The following CARMIL1 variants were observed in gnomAD, a reference collection of about 807,000 sequenced individuals.
CARMIL1 encodes capping protein regulator and myosin 1 linker 1.
Under a neutral mutation model 177.1 loss-of-function variants are expected in CARMIL1, and 90 were observed. The ratio of observed to expected loss-of-function variants is 0.51; its 90% CI spans 0.43 to 0.61. The LOEUF (loss-of-function observed/expected upper bound fraction) is 0.61, where lower values mean the gene tolerates loss of function less well. CARMIL1 is among the 20% of genes least tolerant of loss of function. The pLI, the probability that CARMIL1 is intolerant of heterozygous loss-of-function variation, is 0.00. For synonymous variants in CARMIL1, 577 were observed against 606.2 expected (o/e 0.95, Z 0.71); for missense variants, 1,380 against 1,667.0 (o/e 0.83, Z 3.00).
chr6:25,576,216 T>C (rs1812571233), intron 29 of CARMIL1, among the ~76,000 whole-genome samples: 1 of 152,102 alleles, frequency 6.6e-6, no homozygotes, highest in Non-Finnish European at 1.5e-5. Flanking sequence ...TTTTAAGAAT[T>C]ATTTAGAGAT....
intron 2 of CARMIL1, among the ~76,000 whole-genome samples, chr6:25,348,835 T>C (rs1787820296): frequency 6.6e-6 from 1 of 152,042 alleles, no homozygotes; most frequent in Non-Finnish European, 1.5e-5. Context: ...ATCCAATTTT[T>C]GGTGAATCAG....
chr6:25,537,857 G>A lies in CARMIL1; in HGVS notation c.2070G>A (p.Met690Ile), dbSNP rs1319203609. 6 of 1,610,738 alleles carry A rather than the reference G, an allele frequency of 3.7e-6. No individual in the cohort carries two copies. The highest frequency in any genetic ancestry group is 5.1e-6 in the Non-Finnish European group (6 of 1,178,816). ...QGIVTSTTQQMIDRICVKVQD... is the reference protein window; with the variant it reads ...QGIVTSTTQQIIDRICVKVQD... Reference sequence around the variant, plus strand: ...TGCCTTTTTCTGGTTTGGAGCAGATGATTGACAGAATATGTGTGAAAGTAC... The same window carrying A: ...TGCCTTTTTCTGGTTTGGAGCAGATAATTGACAGAATATGTGTGAAAGTAC... Residue 690 changes from methionine to isoleucine, a missense_variant and splice_region_variant, in exon 25 of 37, where the codon ATG (methionine) becomes ATA (isoleucine). By Grantham distance (10) the Met-to-Ile change is conservative. Coordinates refer to ENST00000329474, the MANE Select transcript of CARMIL1 (RefSeq NM_017640.6).
chr6:25,530,095 G>A (rs1268536025), intron 24 of CARMIL1, among the ~76,000 whole-genome samples: 3 of 151,916 alleles, frequency 2.0e-5, no homozygotes, highest in East Asian at 1.9e-4. Context: ...TATGAGTCTC[G>A]GGGTTGATAT....
chr6:25,586,064 A>C (rs925382592), intron 31 of CARMIL1, among the ~76,000 whole-genome samples: 7 of 151,926 alleles, frequency 4.6e-5, no homozygotes, highest in Non-Finnish European at 7.3e-5. Flanking sequence ...CTGTTGGGTA[A>C]ACCTCCCAGA....
At chr6:25,552,726 AATAG>A (rs1810231639) in intron 27 of CARMIL1, among the ~76,000 whole-genome samples, 1 of 152,156 alleles carries the variant, frequency 6.6e-6, no homozygotes, top group African/African-American at 2.4e-5. Flanking sequence ...TACAATTTGA[AATAG>A]ATGAACCACT....
At chr6:25,380,410 T>C (rs1172551613) in intron 2 of CARMIL1, among the ~76,000 whole-genome samples, 2 of 152,174 alleles carry the variant, frequency 1.3e-5, no homozygotes, top group African/African-American at 4.8e-5. Flanking sequence ...AGGTGGTTAT[T>C]TTGCATTAAA....
At chr6:25,527,190 G>A (rs1486169290) in intron 23 of CARMIL1, among the ~76,000 whole-genome samples, 4 of 152,134 alleles carry the variant, frequency 2.6e-5, no homozygotes, top group Admixed American at 2.0e-4. Context: ...TCAGGAAGTG[G>A]GTTTTTTTGT....
intron 2 of CARMIL1, among the ~76,000 whole-genome samples, chr6:25,407,327 G>A (rs1352703920): frequency 6.6e-6 from 1 of 152,052 alleles, no homozygotes; most frequent in Non-Finnish European, 1.5e-5. Context: ...AGAGATGGAA[G>A]AGAAAGGATA....
chr6:25,380,825 A>G (rs1283940562), intron 2 of CARMIL1, among the ~76,000 whole-genome samples: 2 of 151,922 alleles, frequency 1.3e-5, no homozygotes, highest in Non-Finnish European at 2.9e-5. Flanking sequence ...CACAGTCTAG[A>G]CTGTGTACTC....
At chr6:25,572,575 T>C (rs1192544529) in intron 29 of CARMIL1, among the ~76,000 whole-genome samples, 1 of 151,754 alleles carries the variant, frequency 6.6e-6, no homozygotes, top group Non-Finnish European at 1.5e-5. Context: ...GTGGTACGTA[T>C]CTGTAGTCCC....
At chr6:25,396,093 C>A (rs942837321) in intron 2 of CARMIL1, among the ~76,000 whole-genome samples, 3 of 152,172 alleles carry the variant, frequency 2.0e-5, no homozygotes, top group African/African-American at 7.2e-5. Flanking sequence ...TGTGAAAAAG[C>A]TGAGCAGGTT....
intron 36 of CARMIL1, among the ~76,000 whole-genome samples, chr6:25,618,769 A>G (rs904760639): frequency 1.3e-5 from 2 of 152,206 alleles, no homozygotes; most frequent in African/African-American, 4.8e-5. Flanking sequence ...GTGTAATCAG[A>G]GCAGGCAACA....
At chr6:25,521,303 T>C (rs1333680717) in intron 23 of CARMIL1, among the ~76,000 whole-genome samples, 1 of 152,182 alleles carries the variant, frequency 6.6e-6, no homozygotes, top group Non-Finnish European at 1.5e-5. Context: ...GCAGAGTGCA[T>C]GTGCAGTGGG....
intron 2 of CARMIL1, chr6:25,350,956 A>T (rs1486875677): frequency 6.6e-6 from 1 of 152,242 alleles, no homozygotes; most frequent in Non-Finnish European, 1.5e-5. Context: ...CATTCATTGG[A>T]TGGTATCCCT....
intron 2 of CARMIL1, among the ~76,000 whole-genome samples, chr6:25,366,871 A>G (rs1030740213): frequency 3.9e-5 from 6 of 152,146 alleles, no homozygotes; most frequent in South Asian, 2.1e-4. Flanking sequence ...CTTTTGGAAA[A>G]TGATTGACTT....
intron 2 of CARMIL1, among the ~76,000 whole-genome samples, chr6:25,331,652 C>T (rs1343641586): frequency 6.6e-6 from 1 of 152,196 alleles, no homozygotes; most frequent in African/African-American, 2.4e-5. Context: ...AGGCATCCGT[C>T]CCCCAAGGGA....
In CARMIL1 at chr6:25,472,538, A is replaced by C. The variant is rs368611731; in HGVS notation, c.874+17A>C. On this transcript the variant is annotated intron_variant, in intron 11 of 36. Coordinates refer to ENST00000329474, the MANE Select transcript of CARMIL1 (RefSeq NM_017640.6). ...AGGATAGAGGTACTGCAGAGTTCTC[A>C]TTATCATTGATGCCAGAATTGTAAG... The C allele has an allele frequency of 1.6e-4, 239 of 1,510,226 alleles. 1 individual carries two copies. The highest frequency in any genetic ancestry group is 2.1e-4 in the Non-Finnish European group (230 of 1,108,008). 93.6% of individuals were successfully genotyped at this position (1,510,226 alleles called of 1,614,324 possible).
At chr6:25,489,334 ACTCGT>A (rs999274209) in intron 13 of CARMIL1, among the ~76,000 whole-genome samples, 1 of 152,164 alleles carries the variant, frequency 6.6e-6, no homozygotes, top group Non-Finnish European at 1.5e-5. Flanking sequence ...AAACCTGAGC[ACTCGT>A]CTATTCCGTG....
chr6:25,542,525 A>G lies in CARMIL1; in HGVS notation c.2328+2447A>G, dbSNP rs908911988. Among the ~76,000 whole-genome samples, 3 of 151,978 alleles carry G rather than the reference A, an allele frequency of 2.0e-5. No individual in the cohort carries two copies. The South Asian group carries it at 6.2e-4, about 32-fold the overall frequency. ...TTTTCTCTCATTCTCACTATTTCTA[A>G]GGTCCCAGGCCTCCAAATGGCCTTT... On this transcript the variant is annotated intron_variant, in intron 26 of 36. Transcript: ENST00000329474.
Sources: allele counts gnomAD v4.1 joint callset (sites outside exome capture counted in the v4.1 genomes callset), GRCh38; gene constraint gnomAD v4.1.1; transcripts MANE v1.5; gene names NCBI Gene and HGNC (gene_info 2026-07-23, HGNC 2026-07-21).